ARHGAP10: variants seen among roughly 807,000 people sequenced by gnomAD.
ARHGAP10 encodes rho GTPase-activating protein 10.
ARHGAP10 carries 87 observed loss-of-function variants against 108.6 expected under a neutral mutation model. The observed-to-expected ratio is 0.80, with a 90% CI of 0.67 to 0.96. The LOEUF (loss-of-function observed/expected upper bound fraction) is 0.96. ARHGAP10 is among the 40% of genes least tolerant of loss of function. ARHGAP10 has a pLI of 0.00. For synonymous variants in ARHGAP10, 347 were observed against 341.1 expected, an observed-to-expected ratio of 1.02 and a Z score of -0.19; for missense variants, 939 against 954.5, an observed-to-expected ratio of 0.98 and a Z score of 0.21.
intron 20 of ARHGAP10, among the ~76,000 whole-genome samples, chr4:148,053,630 C>T (rs945106285): frequency 5.9e-5 from 9 of 152,130 alleles, no homozygotes; most frequent in African/African-American, 2.2e-4. Context: ...ATTCTCAGGG[C>T]CTGTATACTT....
chr4:147,924,901 T>C (rs1737400965), intron 13 of ARHGAP10, among the ~76,000 whole-genome samples: 1 of 152,140 alleles, frequency 6.6e-6, no homozygotes, highest in Non-Finnish European at 1.5e-5. Context: ...ATAAATCCAG[T>C]CATTGAGGCC....
chr4:148,052,688 C>T (rs1388104909), intron 20 of ARHGAP10, among the ~76,000 whole-genome samples: 1 of 152,100 alleles, frequency 6.6e-6, no homozygotes, highest in East Asian at 1.9e-4. Flanking sequence ...AGGATGTGGT[C>T]TCTGATTCTG....
intron 18 of ARHGAP10, among the ~76,000 whole-genome samples, chr4:148,014,387 G>A (rs113817469): frequency 6.6e-6 from 1 of 152,190 alleles, no homozygotes; most frequent in Non-Finnish European, 1.5e-5. Flanking sequence ...TGCACCTGGA[G>A]TGTTTTTAAA....
In ARHGAP10 at chr4:147,967,181, C is replaced by A. The variant is rs1302221354; in HGVS notation, c.1716+342C>A. Among the ~76,000 whole-genome samples the A allele has an allele frequency of 2.0e-5, 3 of 152,190 alleles. No individual in the cohort carries two copies. The East Asian group carries it at 5.8e-4, about 29-fold the overall frequency. On this transcript the variant is annotated intron_variant, in intron 18 of 22. Transcript: ENST00000336498. ...ACTCAAATTCTGTGTGGCACAGCAA[C>A]CCTGTACTCTTGATAAAGTTAGGGC...
At chr4:147,754,792 C>G (rs1196508477) in intron 1 of ARHGAP10, among the ~76,000 whole-genome samples, 1 of 151,998 alleles carries the variant, frequency 6.6e-6, no homozygotes, top group African/African-American at 2.4e-5. Context: ...AATGAAGTCC[C>G]TGAAGAAATA....
At chr4:147,987,759 CAG>C (rs1250660948) in intron 18 of ARHGAP10, among the ~76,000 whole-genome samples, 1 of 152,056 alleles carries the variant, frequency 6.6e-6, no homozygotes, top group Non-Finnish European at 1.5e-5. Context: ...GTAGGCAGAA[CAG>C]AGAAAAGGCA....
In ARHGAP10 at chr4:147,875,098, C is replaced by G. The variant is rs1344511835; in HGVS notation, c.780C>G (p.His260Gln). ...AAATCAGACAGAATCCCAAGGACCA[C>G]AAACGAGCAAGTCAGTTTACAGCCG... ...MNKIRQNPKDHKRASQFTAEG... is the reference protein window; with the variant it reads ...MNKIRQNPKDQKRASQFTAEG... Residue 260 changes from histidine (H) to glutamine (Q), a missense_variant, in exon 8 of 23, where the codon CAC becomes CAG. Coordinates refer to ENST00000336498, the MANE Select transcript of ARHGAP10 (RefSeq NM_024605.4). The G allele has an allele frequency of 1.9e-6, 3 of 1,608,400 alleles. No individual in the cohort carries two copies. Among genetic ancestry groups the G allele is most frequent in the Non-Finnish European group, 2.5e-6 (3 of 1,178,536 alleles).
In ARHGAP10 at chr4:147,784,770, AAATAT is replaced by A. The variant is rs1283420679; in HGVS notation, c.155-37950_155-37946del. On this transcript the variant is annotated intron_variant, in intron 1 of 22. Transcript: ENST00000336498. ...ATATATATTATAAAATGTATATTATAAATATAATATATTATAAAATATATATTATA... is the reference window on the plus strand; with the variant it reads ...ATATATATTATAAAATGTATATTATAAATATATTATAAAATATATATTATA... Among the ~76,000 whole-genome samples the A allele has an allele frequency of 1.5e-3, 21 of 13,898 alleles. 1 individual carries two copies. Among genetic ancestry groups the A allele is most frequent in the African/African-American group, 2.3e-3 (21 of 9,126 alleles). 9.1% of individuals were successfully genotyped at this position (13,898 alleles called of 152,430 possible).
chr4:147,940,374 C>A (rs1738125486), intron 14 of ARHGAP10, among the ~76,000 whole-genome samples: 1 of 152,230 alleles, frequency 6.6e-6, no homozygotes, highest in Admixed American at 6.5e-5. Flanking sequence ...TCCTCCAGAA[C>A]CATGCATGCT....
intron 15 of ARHGAP10, among the ~76,000 whole-genome samples, chr4:147,948,540 G>A (rs1738474225): frequency 6.6e-6 from 1 of 151,902 alleles, no homozygotes; most frequent in African/African-American, 2.4e-5. Flanking sequence ...GATGAACCTG[G>A]GTCATTTTTG....
Position 147,783,499 on chromosome 4 carries a change from T to C in ARHGAP10, c.155-39228T>C, listed in dbSNP as rs547275810. On this transcript the variant is annotated intron_variant, in intron 1 of 22. Transcript: ENST00000336498. ...AATTTATATAGCACACATTAAATTATGTATTGTATAATTTATAGAACACAC... is the reference window on the plus strand; with the variant it reads ...AATTTATATAGCACACATTAAATTACGTATTGTATAATTTATAGAACACAC... 3.9e-4 allele frequency among the ~76,000 whole-genome samples: 57 copies of C among 147,854 alleles called. No individual in the cohort carries two copies. The South Asian group carries it at 5.8e-3, about 15-fold the overall frequency.
chr4:147,964,994 TTTTC>T (rs1739150875), intron 16 of ARHGAP10, 26 bp from the exon 17 acceptor site: 1 of 1,444,664 alleles, frequency 6.9e-7, no homozygotes, highest in Non-Finnish European at 9.3e-7. Flanking sequence ...TTCTTTATTT[TTTTC>T]TTTATTATTA....
At chr4:147,870,362 C>A (rs1430886276) in intron 7 of ARHGAP10, among the ~76,000 whole-genome samples, 1 of 152,070 alleles carries the variant, frequency 6.6e-6, no homozygotes, top group Non-Finnish European at 1.5e-5. Flanking sequence ...CGCCCGGCCG[C>A]ATATATGTAT....
intron 1 of ARHGAP10, among the ~76,000 whole-genome samples, chr4:147,741,696 T>TAC (rs372675564): frequency 2.7e-5 from 4 of 150,258 alleles, no homozygotes; most frequent in South Asian, 2.1e-4. Flanking sequence ...TATAAACACA[T>TAC]ACACACACAC....
At chr4:148,000,449 G>C (rs569329363) in intron 18 of ARHGAP10, among the ~76,000 whole-genome samples, 1 of 152,332 alleles carries the variant, frequency 6.6e-6, no homozygotes, top group Admixed American at 6.5e-5. Flanking sequence ...CCAGTAATGG[G>C]ATGGCTGGGT....
intron 18 of ARHGAP10, among the ~76,000 whole-genome samples, chr4:147,979,691 G>A (rs1739738974): frequency 6.6e-6 from 1 of 152,090 alleles, no homozygotes; most frequent in Admixed American, 6.6e-5. Flanking sequence ...CCATTTATTT[G>A]TATTGTCTGT....
At chr4:147,798,763 CTCTCTCTCTCTCTCTCTCTATATATATA>C (rs1397241419) in intron 1 of ARHGAP10, among the ~76,000 whole-genome samples, 180 of 15,088 alleles carry the variant, frequency 0.012, no homozygotes, top group South Asian at 0.049. Context: ...CTCTCTCTCT[CTCTCTCTCTCTCTCTCTCTATATATATA>C]TATATATATA....
intron 1 of ARHGAP10, among the ~76,000 whole-genome samples, chr4:147,781,448 C>A (rs1730527023): frequency 1.3e-5 from 2 of 152,162 alleles, no homozygotes; most frequent in South Asian, 4.2e-4. Flanking sequence ...GTCATATATA[C>A]ACATTTAAAA....
chr4:147,782,931 A>G (rs988648675), intron 1 of ARHGAP10, among the ~76,000 whole-genome samples: 1 of 142,328 alleles, frequency 7.0e-6, no homozygotes, highest in Non-Finnish European at 1.5e-5. Flanking sequence ...TATATAATAT[A>G]TAAAATTATA....
Sources: gnomAD v4.1 joint callset for allele counts (sites outside exome capture counted in the v4.1 genomes callset) on GRCh38, gnomAD v4.1.1 for gene constraint, MANE v1.5 for transcripts, NCBI Gene and HGNC (gene_info 2026-07-23, HGNC 2026-07-21) for gene names.